Variants in DNAH17 observed in about 807,000 individuals in gnomAD.
DNAH17 encodes the protein dynein axonemal heavy chain 17, also known as axonemal beta dynein heavy chain 17.
A neutral mutation model predicts 485.6 loss-of-function variants in DNAH17; 376 were observed. That is an observed-to-expected ratio of 0.77 (90% CI 0.71 to 0.84). DNAH17 has a LOEUF of 0.84. Ranked by LOEUF, DNAH17 falls within the 40% of genes least tolerant of loss-of-function variation. The probability of loss-of-function intolerance (pLI) is 0.00; values close to 1 mark genes in which losing one functional copy is unlikely to be tolerated. For synonymous variants in DNAH17, 3,031 were observed against 2,405.9 expected, an observed-to-expected ratio of 1.26 and a Z score of -7.60; for missense variants, 6,370 against 5,839.3, an observed-to-expected ratio of 1.09 and a Z score of -2.96.
chr17:78,477,956 T>A (rs1170126817), intron 51 of DNAH17, among the ~76,000 whole-genome samples: 3,031 of 107,102 alleles, frequency 0.028, 199 homozygotes, highest in African/African-American at 0.12. Context: ...CATTATCATC[T>A]CCACCATCAC....
chr17:78,470,295 G>A (rs1375424332), intron 54 of DNAH17, among the ~76,000 whole-genome samples: 4 of 150,544 alleles, frequency 2.7e-5, no homozygotes, highest in South Asian at 4.2e-4. Flanking sequence ...CTTGAACTCC[G>A]GACCTCAAGT....
intron 15 of DNAH17, among the ~76,000 whole-genome samples, chr17:78,552,290 C>T (rs905957503): frequency 1.3e-5 from 2 of 152,176 alleles, no homozygotes; most frequent in African/African-American, 4.8e-5. Context: ...GAAGGGAAGA[C>T]AGGGACTCGT....
chr17:78,465,485 G>C (rs949317788), intron 56 of DNAH17, among the ~76,000 whole-genome samples: 2 of 109,162 alleles, frequency 1.8e-5, no homozygotes, highest in African/African-American at 5.7e-5. Context: ...AGGAAGTGAG[G>C]AACACCTCTT....
At chr17:78,512,861 A>T (rs1326969917) in intron 26 of DNAH17, among the ~76,000 whole-genome samples, 1 of 149,650 alleles carries the variant, frequency 6.7e-6, no homozygotes, top group Non-Finnish European at 1.5e-5. Context: ...GAATCACTTG[A>T]ACCTGGGAGG....
At chr17:78,425,842 C>T (rs1475846078) in intron 79 of DNAH17, among the ~76,000 whole-genome samples, 4 of 149,132 alleles carry the variant, frequency 2.7e-5, no homozygotes, top group Non-Finnish European at 4.4e-5. Flanking sequence ...CTTGGCTCAA[C>T]GCAACCTCCG....
intron 17 of DNAH17, among the ~76,000 whole-genome samples, chr17:78,541,601 GT>G (rs2091591113): frequency 6.6e-6 from 1 of 151,998 alleles, no homozygotes; most frequent in South Asian, 2.1e-4. Flanking sequence ...TGGTGACAGA[GT>G]TGTGCACAAG....
At chr17:78,517,137 G>A (rs2090809217) in intron 25 of DNAH17, among the ~76,000 whole-genome samples, 1 of 152,170 alleles carries the variant, frequency 6.6e-6, no homozygotes, top group African/African-American at 2.4e-5. Context: ...CCACCTCCTG[G>A]GTTCAAGTGA....
At chr17:78,577,110 A>G (rs2143776538) in intron 1 of DNAH17, among the ~76,000 whole-genome samples, 185 bp downstream of exon 1, 1 of 152,220 alleles carries the variant, frequency 6.6e-6, no homozygotes, top group East Asian at 1.9e-4. Flanking sequence ...TCAGGCTGGT[A>G]CGTGGCAGCC....
chr17:78,566,987 C>G lies in DNAH17; in HGVS notation c.1452+12G>C. ...CCGAGTCCAGTTCATCCAACCCTGC[C>G]CGAGGACCTACCGAGTCTCCAGGGT... On this transcript the variant is annotated intron_variant, in intron 10 of 80. Coordinates refer to ENST00000389840, the MANE Select transcript of DNAH17 (RefSeq NM_173628.4). 2 of 1,604,526 alleles carry G rather than the reference C, an allele frequency of 1.2e-6. No individual in the cohort carries two copies. The highest frequency in any genetic ancestry group is 1.7e-6 in the Non-Finnish European group (2 of 1,174,640).
chr17:78,522,462 T>A (rs928105013), intron 25 of DNAH17: 7 of 321,140 alleles, frequency 2.2e-5, no homozygotes, highest in African/African-American at 1.6e-4. Flanking sequence ...GTGGAGGCAC[T>A]GGCAACATCA....
At chr17:78,459,701 G>T in intron 60 of DNAH17, 83 bp downstream of exon 60, 1 of 1,494,402 alleles carries the variant, frequency 6.7e-7, no homozygotes. Context: ...AGAGCCTGAG[G>T]CCATGCTTCA....
chr17:78,506,337 G>C (rs72927834), intron 30 of DNAH17, among the ~76,000 whole-genome samples: 25,574 of 151,800 alleles, frequency 0.17, 2,762 homozygotes, highest in Non-Finnish European at 0.24. Context: ...CCCCAAGGAG[G>C]CACCTGTTCC....
intron 11 of DNAH17, among the ~76,000 whole-genome samples, chr17:78,565,079 A>C (rs539280945): frequency 1.3e-5 from 2 of 152,142 alleles, no homozygotes; most frequent in East Asian, 3.9e-4. Flanking sequence ...GAATCCCCCA[A>C]CCCCTGATGT....
rs775661790 is a variant in DNAH17, at chr17:78,486,001, T to C, written c.7234A>G (p.Lys2412Glu). The C allele has an allele frequency of 1.9e-6, 3 of 1,613,812 alleles. No individual in the cohort carries two copies. The Admixed American group carries it at 5.0e-5, about 27-fold the overall frequency. The part of the protein sequence containing the change: ...DTKKFLPWTD[K>E]VPSFELDPDV... ...GGATCCAGCTCAAAGGAGGGCACTTTATCTGTCCAGGGCAGGAACTTTTTT... is the reference window on the plus strand; with the variant it reads ...GGATCCAGCTCAAAGGAGGGCACTTCATCTGTCCAGGGCAGGAACTTTTTT... The change falls in exon 46 of 81, where the codon AAA (lysine) becomes GAA (glutamate). Residue 2412 changes from lysine (K) to glutamate (E), a missense_variant. By Grantham distance (56) the Lys-to-Glu change is moderately conservative. Coordinates refer to ENST00000389840, the MANE Select transcript of DNAH17 (RefSeq NM_173628.4).
intron 27 of DNAH17, among the ~76,000 whole-genome samples, chr17:78,509,403 GC>G (rs1288809736): frequency 6.6e-6 from 1 of 152,188 alleles, no homozygotes; most frequent in African/African-American, 2.4e-5. Flanking sequence ...ATAGGCAGGA[GC>G]CCCCACCCTC....
At chr17:78,565,196 A>G (rs78965319) in intron 11 of DNAH17, among the ~76,000 whole-genome samples, 2,841 of 152,230 alleles carry the variant, frequency 0.019, 99 homozygotes, top group African/African-American at 0.064. Context: ...CTCTCCCTAC[A>G]CCTGTATCTA....
chr17:78,529,757 G>A (rs199612649), intron 21 of DNAH17, 63 bp from the exon 22 acceptor site: 98 of 1,535,978 alleles, frequency 6.4e-5, no homozygotes, highest in African/African-American at 2.2e-4. Context: ...TTGATGGTAC[G>A]GAGCCCCATG....
At chr17:78,513,028 C>A (rs897284016) in intron 26 of DNAH17, among the ~76,000 whole-genome samples, 1 of 151,562 alleles carries the variant, frequency 6.6e-6, no homozygotes, top group Non-Finnish European at 1.5e-5. Flanking sequence ...CTACACAATG[C>A]ACCTTACTGA....
In DNAH17 at chr17:78,505,440, G is replaced by T. The variant is rs985837465; in HGVS notation, c.4809C>A (p.Ser1603Arg). The T allele has an allele frequency of 6.2e-7, 1 of 1,613,862 alleles. No individual in the cohort carries two copies. Among genetic ancestry groups the T allele is most frequent in the African/African-American group, 1.3e-5 (1 of 74,928 alleles). The stretch of plus-strand genomic sequence containing the variant: ...TATCGAAGAGTTTGGACAGGTGGCG[G>T]CTCACCTGGGAGGAGGCAAGAAGCG... ...LSNGNDPVEV[S>R]RHLSKLFDSL... The change falls in exon 31 of 81, where the codon AGC (serine) becomes AGA (arginine). Residue 1603 changes from serine (S) to arginine (R), a missense_variant. Transcript: ENST00000389840.
Sources: gnomAD v4.1 joint callset for allele counts (sites outside exome capture counted in the v4.1 genomes callset) on GRCh38, gnomAD v4.1.1 for gene constraint, MANE v1.5 for transcripts, NCBI Gene and HGNC (gene_info 2026-07-23, HGNC 2026-07-21) for gene names.